The following STK3 variants were observed in gnomAD, a reference collection of about 807,000 sequenced individuals.
The protein encoded by STK3 is serine/threonine kinase 3, also known as serine/threonine-protein kinase 3.
Under a neutral mutation model 58.0 loss-of-function variants are expected in STK3, and 41 were observed. The observed-to-expected ratio is 0.71, with a 90% CI of 0.55 to 0.92. The LOEUF (loss-of-function observed/expected upper bound fraction) is 0.92. Among genes scored for constraint, STK3 ranks in the 40% least tolerant of loss-of-function variants. The pLI, the probability that STK3 is intolerant of heterozygous loss-of-function variation, is 0.00. For missense variants in STK3, 479 were observed against 602.7 expected, an observed-to-expected ratio of 0.79 and a Z score of 2.15; for synonymous variants, 170 against 191.0, an observed-to-expected ratio of 0.89 and a Z score of 0.91.
intron 10 of STK3, among the ~76,000 whole-genome samples, chr8:98,470,100 C>G (rs1011819590): frequency 6.6e-6 from 1 of 152,296 alleles, no homozygotes; most frequent in Admixed American, 6.5e-5. Flanking sequence ...CGTGAGTGAA[C>G]TTTCCATTAT....
downstream of STK3, among the ~76,000 whole-genome samples, chr8:98,454,141 T>A (rs1344214719): frequency 1.3e-5 from 2 of 152,184 alleles, no homozygotes; most frequent in Admixed American, 6.5e-5. Flanking sequence ...ATACCATTTT[T>A]AAAAAGGAAT....
At chr8:98,907,201 A>T (rs548896155) in intron 1 of STK3, among the ~76,000 whole-genome samples, 1 of 151,672 alleles carries the variant, frequency 6.6e-6, no homozygotes, top group Admixed American at 6.6e-5. Context: ...AATTTCAAAC[A>T]CAAATAGAAG....
chr8:98,428,927 C>G lies in STK3; in HGVS notation n.483+5200G>C. The G allele has an allele frequency of 6.2e-7, 1 of 1,614,130 alleles. No individual in the cohort carries two copies. On this transcript the variant is annotated intron_variant and non_coding_transcript_variant, in intron 3 of 3. Transcript: ENST00000517832. This position sits in a 1 kb window ranked among gnomAD's most constrained non-coding sequence, Gnocchi z 6.7. The stretch of plus-strand genomic sequence containing the variant: ...TGGCCAGGCACTCCACTGGCCTCCG[C>G]TCCCTGGGGGCCACTTTGAAATACA...
At chr8:98,834,121 A>G (rs1281047024) in intron 3 of STK3, among the ~76,000 whole-genome samples, 1 of 152,246 alleles carries the variant, frequency 6.6e-6, no homozygotes, top group Non-Finnish European at 1.5e-5. Flanking sequence ...ACAAGTAGCT[A>G]TAAGTGTACC....
intron 1 of STK3, among the ~76,000 whole-genome samples, chr8:98,903,552 TCTTC>T (rs1348781025): frequency 0.34 from 13,106 of 38,156 alleles, 1,491 homozygotes; most frequent in East Asian, 0.47. Context: ...TTCTTCTTCT[TCTTC>T]CTTTTTTTTT....
At chr8:98,609,732 G>A (rs200518108) in intron 6 of STK3, among the ~76,000 whole-genome samples, 12 of 152,064 alleles carry the variant, frequency 7.9e-5, no homozygotes, top group African/African-American at 1.4e-4. Context: ...AGGCTGACGC[G>A]GGTGGATCAC....
At chr8:98,612,712 A>G (rs1293597965) in intron 6 of STK3, among the ~76,000 whole-genome samples, 2 of 152,182 alleles carry the variant, frequency 1.3e-5, no homozygotes, top group African/African-American at 4.8e-5. Context: ...AGAAAACTTT[A>G]GGCAAATTTC....
intron 2 of STK3, among the ~76,000 whole-genome samples, chr8:98,375,902 G>A (rs1422554233): frequency 1.3e-5 from 2 of 152,172 alleles, no homozygotes; most frequent in Non-Finnish European, 2.9e-5. Flanking sequence ...ATAGGTTTTT[G>A]TGTATGCATA....
At chr8:98,546,717 C>A (rs901401537) in intron 9 of STK3, among the ~76,000 whole-genome samples, 8 of 152,028 alleles carry the variant, frequency 5.3e-5, no homozygotes, top group African/African-American at 1.9e-4. Context: ...GTCAGATGCC[C>A]AGCTAGGAAT....
chr8:98,562,493 C>T (rs576039312), intron 8 of STK3, among the ~76,000 whole-genome samples: 13 of 151,568 alleles, frequency 8.6e-5, no homozygotes, highest in Non-Finnish European at 1.5e-4. Context: ...AACAGATCAG[C>T]GGTTGAAAGG....
At chr8:98,615,197 G>A (rs1817590640) in intron 6 of STK3, among the ~76,000 whole-genome samples, 1 of 151,740 alleles carries the variant, frequency 6.6e-6, no homozygotes. Flanking sequence ...CCTAGCAGGG[G>A]CACACTGACA....
chr8:98,798,139 A>T (rs1389693064), intron 1 of STK3, among the ~76,000 whole-genome samples: 1 of 152,222 alleles, frequency 6.6e-6, no homozygotes, highest in Non-Finnish European at 1.5e-5. Context: ...AAATCTCATT[A>T]ATATTAAACC....
At chr8:98,712,779 C>A (rs1453895814) in intron 4 of STK3, among the ~76,000 whole-genome samples, 1 of 152,052 alleles carries the variant, frequency 6.6e-6, no homozygotes, top group Non-Finnish European at 1.5e-5. Context: ...GTGCACCAAG[C>A]GGACCTAATA....
At chr8:98,499,381 A>G (rs1315092445) in intron 10 of STK3, among the ~76,000 whole-genome samples, 1 of 152,212 alleles carries the variant, frequency 6.6e-6, no homozygotes, top group East Asian at 1.9e-4. Flanking sequence ...ATAGGAAACT[A>G]ATACAGATTT....
chr8:98,872,356 A>C (rs1837408550), intron 3 of STK3, among the ~76,000 whole-genome samples: 2 of 152,318 alleles, frequency 1.3e-5, no homozygotes, highest in East Asian at 3.9e-4. Flanking sequence ...TGTTGGCCTC[A>C]TAAAATGAAT....
At chr8:98,480,914 C>A (rs1821797333) in intron 10 of STK3, among the ~76,000 whole-genome samples, 1 of 152,090 alleles carries the variant, frequency 6.6e-6, no homozygotes, top group Non-Finnish European at 1.5e-5. Context: ...ATTGTTGAAT[C>A]TAAGTAGTAA....
At chr8:98,907,211 G>A (rs1049145494) in intron 1 of STK3, among the ~76,000 whole-genome samples, 1 of 151,438 alleles carries the variant, frequency 6.6e-6, no homozygotes, top group African/African-American at 2.4e-5. Context: ...ACAAATAGAA[G>A]TATATAGAAA....
chr8:98,725,482 T>C (rs1827732937), intron 4 of STK3, among the ~76,000 whole-genome samples: 1 of 152,142 alleles, frequency 6.6e-6, no homozygotes. Context: ...TAGTTAAAAG[T>C]ACAGATAATT....
intron 10 of STK3, among the ~76,000 whole-genome samples, chr8:98,477,342 A>C (rs1269151426): frequency 6.6e-6 from 1 of 152,118 alleles, no homozygotes; most frequent in Non-Finnish European, 1.5e-5. Context: ...TATCTATGTC[A>C]ATCTAATTCT....
Sources: allele counts gnomAD v4.1 joint callset (sites outside exome capture counted in the v4.1 genomes callset), GRCh38; gene constraint gnomAD v4.1.1; non-coding constraint Gnocchi (gnomAD v3.1); transcripts MANE v1.5; gene names NCBI Gene and HGNC (gene_info 2026-07-23, HGNC 2026-07-21).